Variants in AFG3L2 observed in about 807,000 individuals in gnomAD.
AFG3L2 encodes mitochondrial inner membrane m-AAA protease component AFG3L2.
A neutral mutation model predicts 94.5 loss-of-function variants in AFG3L2; 54 were observed. The observed-to-expected ratio is 0.57, with a 90% CI of 0.46 to 0.72. The LOEUF (loss-of-function observed/expected upper bound fraction) is 0.72. Ranked by LOEUF, AFG3L2 falls within the 30% of genes least tolerant of loss-of-function variation. AFG3L2 has a pLI of 0.00. For synonymous variants in AFG3L2, 377 were observed against 365.5 expected (o/e 1.03, Z -0.36); for missense variants, 754 against 994.9 (o/e 0.76, Z 3.26).
In AFG3L2 at chr18:12,351,181, TAGA is replaced by T. The variant is rs748208993; in HGVS notation, c.1453_1455del (p.Ser485del). 2 of 1,614,118 alleles carry T rather than the reference TAGA, an allele frequency of 1.2e-6. No individual in the cohort carries two copies. The highest frequency in any genetic ancestry group is 2.2e-5 in the South Asian group (2 of 91,072). ...AGCGGTCGGAGATGAACTTTGAAAA[TAGA>T]AGCTCTTCCTTTTATGTCTGGTGGT... On this transcript the variant is annotated inframe_deletion, in exon 12 of 17. Coordinates refer to ENST00000269143, the MANE Select transcript of AFG3L2 (RefSeq NM_006796.3).
rs185100629 is a variant in AFG3L2 at position 12,333,688 on chromosome 18, G to A, written c.2175+3653C>T. On this transcript the variant is annotated intron_variant, in intron 16 of 16. Coordinates refer to ENST00000269143, the MANE Select transcript of AFG3L2 (RefSeq NM_006796.3). ...CCAAAATATTATTTCAACATGTGAC[G>A]ACACAAAACATGATTGAGGTTTTTT... 1.8e-3 allele frequency among the ~76,000 whole-genome samples: 274 copies of A among 152,172 alleles called. 3 individuals carry two copies. The highest frequency in any genetic ancestry group is 8.3e-3 in the South Asian group (40 of 4,816).
At chr18:12,337,816 C>G (rs1907803029) in intron 15 of AFG3L2, among the ~76,000 whole-genome samples, 1 of 152,176 alleles carries the variant, frequency 6.6e-6, no homozygotes, top group Non-Finnish European at 1.5e-5. Context: ...GTTGCCCAGG[C>G]TATAGTGCAG....
At position 12,367,020 on chromosome 18, in the gene AFG3L2, G is replaced by C; in HGVS notation, c.497C>G (p.Ser166Cys). 1 of 1,614,154 alleles carries C rather than the reference G, an allele frequency of 6.2e-7. No individual in the cohort carries two copies. The highest frequency in any genetic ancestry group is 1.3e-5 in the African/African-American group (1 of 75,044). ...GTCCTTCCAAGTGATTTCTCTCCCG[G>C]ATCTCTTGAGCAGCAAGTAAAACAT... The part of the protein sequence containing the change: ...GVMFYLLLKR[S>C]GREITWKDFV... The change falls in exon 5 of 17, where the codon TCC (serine) becomes TGC (cysteine). Residue 166 changes from serine (S) to cysteine (C), a missense_variant. By Grantham distance (112) the Ser-to-Cys change is moderately radical. This residue lies in a region of AFG3L2 where 130 missense variants were observed against 175.1 expected (regional missense o/e 0.74). Coordinates refer to ENST00000269143, the MANE Select transcript of AFG3L2 (RefSeq NM_006796.3).
At position 12,329,462 on chromosome 18, in the gene AFG3L2, G is replaced by T; in HGVS notation, c.*103C>A. The T allele has an allele frequency of 8.0e-7, 1 of 1,245,058 alleles. No individual in the cohort carries two copies. The highest frequency in any genetic ancestry group is 1.2e-6 in the Non-Finnish European group (1 of 847,360). 77.1% of individuals were successfully genotyped at this position (1,245,058 alleles called of 1,614,324 possible). A position where few individuals can be genotyped will look rare whatever the true frequency, so the allele number is the denominator to read the frequency against. ...ATCATTTCAGCTGGGCCAGTGGCTG[G>T]CTAAAATCAGCGCAGCATTCCCATT... On this transcript the variant is annotated 3_prime_UTR_variant, in exon 17 of 17. Transcript: ENST00000269143.
At chr18:12,336,307 G>T (rs1348310293) in intron 16 of AFG3L2, among the ~76,000 whole-genome samples, 2 of 152,164 alleles carry the variant, frequency 1.3e-5, no homozygotes, top group Non-Finnish European at 2.9e-5. Context: ...GGCCTTTTGC[G>T]ATAGCTTTTC....
chr18:12,367,636 T>C (rs1290640329), intron 3 of AFG3L2, among the ~76,000 whole-genome samples: 1 of 152,228 alleles, frequency 6.6e-6, no homozygotes, highest in African/African-American at 2.4e-5. Context: ...ATAGGACTGT[T>C]ATACCCTTCA....
intron 14 of AFG3L2, 63 bp downstream of exon 14, chr18:12,344,069 G>C (rs771985368): frequency 1.4e-6 from 2 of 1,396,652 alleles, no homozygotes; most frequent in African/African-American, 2.8e-5. Context: ...TGCTTCTTGA[G>C]TGACTGCAGC....
At chr18:12,357,898 C>T (rs1908542315) in intron 8 of AFG3L2, among the ~76,000 whole-genome samples, 1 of 151,866 alleles carries the variant, frequency 6.6e-6, no homozygotes, top group South Asian at 2.1e-4. Flanking sequence ...TGCGCCTGGC[C>T]CTACACAACT....
intron 2 of AFG3L2, 29 bp from the exon 3 acceptor site, chr18:12,370,955 C>T (rs1908969865): frequency 1.5e-6 from 2 of 1,331,342 alleles, no homozygotes; most frequent in Non-Finnish European, 1.1e-6. Context: ...AAATACTTAT[C>T]TTCAAACTAA....
intron 5 of AFG3L2, among the ~76,000 whole-genome samples, chr18:12,365,323 G>A (rs1270104942): frequency 6.6e-6 from 1 of 152,150 alleles, no homozygotes; most frequent in African/African-American, 2.4e-5. Flanking sequence ...CAATCAGAAG[G>A]ACGGCTGCAG....
chr18:12,365,976 G>A (rs1261125447), intron 5 of AFG3L2, among the ~76,000 whole-genome samples: 4 of 147,208 alleles, frequency 2.7e-5, no homozygotes, highest in South Asian at 2.1e-4. Context: ...CCGGGTTCAC[G>A]CCATTCTCCT....
intron 12 of AFG3L2, 129 bp from the exon 13 acceptor site, chr18:12,348,512 T>C (rs1004092086): frequency 1.3e-6 from 1 of 752,342 alleles, no homozygotes; most frequent in Non-Finnish European, 2.3e-6. Flanking sequence ...TTTGTGTAAA[T>C]ATAATTCTGT....
intron 15 of AFG3L2, among the ~76,000 whole-genome samples, chr18:12,338,143 C>A (rs538406727): frequency 6.6e-6 from 1 of 152,272 alleles, no homozygotes; most frequent in Non-Finnish European, 1.5e-5. Context: ...ATGATCATAG[C>A]TCACTGCAGC....
intron 12 of AFG3L2, 49 bp from the exon 13 acceptor site, chr18:12,348,432 G>A: frequency 7.0e-7 from 1 of 1,431,680 alleles, no homozygotes; most frequent in Non-Finnish European, 9.9e-7. Flanking sequence ...CGCCCAAACT[G>A]ATCAGTCACA....
chr18:12,329,012 T>G lies in AFG3L2; in HGVS notation c.*553A>C, dbSNP rs1204191022. ...AAGAAGCCATATTTACATAATACATTCATATTTTTAAGTATGTTACAGCTC... is the reference window on the plus strand; with the variant it reads ...AAGAAGCCATATTTACATAATACATGCATATTTTTAAGTATGTTACAGCTC... On this transcript the variant is annotated 3_prime_UTR_variant, in exon 17 of 17. Transcript: ENST00000269143. 1.6e-6 allele frequency: 1 copy of G among 618,598 alleles called. No homozygotes were observed. Among genetic ancestry groups the G allele is most frequent in the African/African-American group, 1.8e-5 (1 of 54,420 alleles). The allele number at this position is 618,598 out of a possible 1,614,324, so 38.3% of individuals were successfully genotyped here.
Position 12,329,302 on chromosome 18 carries a change from G to A in AFG3L2, c.*263C>T. 1.5e-6 allele frequency: 1 copy of A among 687,090 alleles called. No individual in the cohort carries two copies. Among genetic ancestry groups the A allele is most frequent in the South Asian group, 1.5e-5 (1 of 65,666 alleles). 42.6% of individuals were successfully genotyped at this position (687,090 alleles called of 1,614,324 possible). A position where few individuals can be genotyped will look rare whatever the true frequency, so the allele number is the denominator to read the frequency against. On this transcript the variant is annotated 3_prime_UTR_variant, in exon 17 of 17. Transcript: ENST00000269143. ...CACAGGGTCCAGCCTCGGCCACTCT[G>A]GGCTCAACCTTTCCAGCACGTCTGG...
At chr18:12,349,237 G>C (rs61148681) in intron 12 of AFG3L2, among the ~76,000 whole-genome samples, 2 of 152,072 alleles carry the variant, frequency 1.3e-5, no homozygotes, top group African/African-American at 4.8e-5. Flanking sequence ...CACCAGCTAG[G>C]ATGGCTGTAA....
chr18:12,350,480 G>A (rs1051055627), intron 12 of AFG3L2, among the ~76,000 whole-genome samples: 1 of 152,078 alleles, frequency 6.6e-6, no homozygotes, highest in African/African-American at 2.4e-5. Flanking sequence ...ATGATACACT[G>A]TCAAGAATTT....
rs2143125128 is a variant in AFG3L2 at position 12,340,362 on chromosome 18, G to A, written c.1819C>T (p.Gln607Ter). 1 of 1,614,152 alleles carries A rather than the reference G, an allele frequency of 6.2e-7. No homozygotes were observed. The highest frequency in any genetic ancestry group is 8.5e-7 in the Non-Finnish European group (1 of 1,180,018). ...AGGTATTGTTCTTTTGGTAAATACT[G>A]AGCATAACCTAGTCCTTTGCCACGT... ...IPRGKGLGYAQYLPKEQYLYT... is the reference protein window; with the variant it reads ...IPRGKGLGYA Residue 607 changes from glutamine (Q) to a stop codon, truncating the protein, a stop_gained, in exon 15 of 17, where the codon CAG (glutamine) becomes TAG (stop). Transcript: ENST00000269143. LOFTEE classifies it high-confidence loss of function.
Sources: gnomAD v4.1 joint callset for allele counts (sites outside exome capture counted in the v4.1 genomes callset) on GRCh38, gnomAD v4.1.1 for gene constraint, gnomAD v4.1.1 regional missense constraint, MANE v1.5 for transcripts, NCBI Gene and HGNC (gene_info 2026-07-23, HGNC 2026-07-21) for gene names.